Variants in CA10 observed in about 807,000 individuals in gnomAD.
The protein encoded by CA10 is carbonic anhydrase-related protein 10.
In CA10, 14 loss-of-function variants were observed where a neutral mutation model predicts 44.2. The ratio of observed to expected loss-of-function variants is 0.32; its 90% CI spans 0.21 to 0.50. CA10 has a LOEUF of 0.50. Among genes scored for constraint, CA10 ranks in the 20% least tolerant of loss-of-function variants. The probability of loss-of-function intolerance (pLI) is 0.99; values close to 1 mark genes in which losing one functional copy is unlikely to be tolerated. For missense variants in CA10, 350 were observed against 409.7 expected, an observed-to-expected ratio of 0.85 and a Z score of 1.26; for synonymous variants, 159 against 141.6, an observed-to-expected ratio of 1.12 and a Z score of -0.87.
At chr17:51,753,935 C>G (rs1904983254) in intron 3 of CA10, among the ~76,000 whole-genome samples, 1 of 152,078 alleles carries the variant, frequency 6.6e-6, no homozygotes, top group Admixed American at 6.6e-5. Flanking sequence ...CCTCCACCTC[C>G]CGGGTTCAAG....
At chr17:52,095,074 T>C (rs1173843858) in intron 1 of CA10, among the ~76,000 whole-genome samples, 1 of 152,138 alleles carries the variant, frequency 6.6e-6, no homozygotes, top group Non-Finnish European at 1.5e-5. Flanking sequence ...CCCATATGTC[T>C]ACTGACACCA....
chr17:51,893,281 G>A (rs1253007073), intron 3 of CA10, among the ~76,000 whole-genome samples: 3 of 152,082 alleles, frequency 2.0e-5, no homozygotes, highest in Non-Finnish European at 4.4e-5. Context: ...AAAAATCCAC[G>A]CTCTAAGTCC....
intron 4 of CA10, among the ~76,000 whole-genome samples, chr17:51,694,065 G>A (rs150944748): frequency 2.7e-4 from 41 of 152,212 alleles, no homozygotes; most frequent in African/African-American, 5.5e-4. Flanking sequence ...TTAGCTAGGC[G>A]TGGTGGTGCA....
intron 2 of CA10, among the ~76,000 whole-genome samples, chr17:52,040,404 C>A (rs1177896723): frequency 2.6e-5 from 4 of 151,952 alleles, no homozygotes; most frequent in Admixed American, 2.6e-4. Context: ...TCCTTGAAAG[C>A]CTTCTCTGCA....
chr17:51,797,850 C>CAAAAAAAA (rs58344941), intron 3 of CA10, among the ~76,000 whole-genome samples: 15 of 73,744 alleles, frequency 2.0e-4, no homozygotes, highest in East Asian at 4.6e-4. Flanking sequence ...GGCTCCATCT[C>CAAAAAAAA]AAAAAAAAAA....
At chr17:52,017,354 T>C (rs1453457731) in intron 2 of CA10, among the ~76,000 whole-genome samples, 1 of 152,124 alleles carries the variant, frequency 6.6e-6, no homozygotes, top group Non-Finnish European at 1.5e-5. Flanking sequence ...AAAATGCTGA[T>C]AGAAACATTG....
chr17:51,991,424 A>G (rs980240767), intron 2 of CA10, among the ~76,000 whole-genome samples: 3 of 152,146 alleles, frequency 2.0e-5, no homozygotes, highest in African/African-American at 7.2e-5. Context: ...TTACAACTAC[A>G]TCATCAACAT....
At chr17:51,895,956 A>G (rs1014115377) in intron 3 of CA10, among the ~76,000 whole-genome samples, 5 of 152,126 alleles carry the variant, frequency 3.3e-5, no homozygotes, top group Non-Finnish European at 1.5e-5. Context: ...ATATGAGACA[A>G]TATAATGAAT....
At chr17:51,976,907 A>G (rs2144079929) in intron 2 of CA10, among the ~76,000 whole-genome samples, 1 of 152,160 alleles carries the variant, frequency 6.6e-6, no homozygotes, top group Admixed American at 6.5e-5. Flanking sequence ...GACATTATAA[A>G]GATGATAAAG....
At chr17:51,712,581 A>G (rs1357898535) in intron 4 of CA10, among the ~76,000 whole-genome samples, 1 of 152,202 alleles carries the variant, frequency 6.6e-6, no homozygotes, top group Non-Finnish European at 1.5e-5. Context: ...CTGTGCTGTA[A>G]AGTCAATAGG....
intron 3 of CA10, among the ~76,000 whole-genome samples, chr17:51,823,521 C>T (rs1025161162): frequency 1.3e-5 from 2 of 152,304 alleles, no homozygotes; most frequent in East Asian, 1.9e-4. Flanking sequence ...TCTGTTCTCT[C>T]GGGAAGGAAC....
chr17:52,115,128 G>C (rs972180491), intron 1 of CA10, among the ~76,000 whole-genome samples: 4 of 152,216 alleles, frequency 2.6e-5, no homozygotes, highest in African/African-American at 9.6e-5. Context: ...CTTATGCAGG[G>C]GAGGAGCCTG....
chr17:51,713,882 TGAATCGGA>T (rs1347574080), intron 4 of CA10, among the ~76,000 whole-genome samples: 1 of 152,216 alleles, frequency 6.6e-6, no homozygotes, highest in African/African-American at 2.4e-5. Flanking sequence ...TCAGAAAGAA[TGAATCGGA>T]GATCCCTGGT....
chr17:52,158,834 C>G (rs1184329129), upstream of CA10: 3 of 152,698 alleles, frequency 2.0e-5, no homozygotes, highest in African/African-American at 7.2e-5. Context: ...GGTGAGCGTC[C>G]TCGCCGCCGC....
chr17:51,653,611 G>A, intron 5 of CA10, 30 bp downstream of exon 5: 1 of 1,143,910 alleles, frequency 8.7e-7, no homozygotes, highest in Admixed American at 1.7e-5. Context: ...TGGGGATGGT[G>A]AGAAGAATGA....
At chr17:51,835,180 C>T (rs1908429634) in intron 3 of CA10, among the ~76,000 whole-genome samples, 1 of 152,200 alleles carries the variant, frequency 6.6e-6, no homozygotes, top group Non-Finnish European at 1.5e-5. Context: ...TGTCAGCCCC[C>T]ATTTGCAGGT....
chr17:52,136,983 T>C (rs1032447964), intron 1 of CA10, among the ~76,000 whole-genome samples: 1 of 152,220 alleles, frequency 6.6e-6, no homozygotes, highest in African/African-American at 2.4e-5. Context: ...TGAGGAATTT[T>C]TTCCCTGTAA....
chr17:51,693,488 T>C (rs916385726), intron 4 of CA10, among the ~76,000 whole-genome samples: 14 of 152,136 alleles, frequency 9.2e-5, no homozygotes, highest in African/African-American at 3.4e-4. Context: ...TTTCACCCCC[T>C]ATCCACCCCC....
chr17:52,152,826 G>T (rs893251240), intron 1 of CA10, among the ~76,000 whole-genome samples: 6 of 152,060 alleles, frequency 3.9e-5, no homozygotes, highest in African/African-American at 1.4e-4. Flanking sequence ...CCTCAGCAAT[G>T]CTTTGAAATA....
Sources: gnomAD v4.1 joint callset for allele counts (sites outside exome capture counted in the v4.1 genomes callset) on GRCh38, gnomAD v4.1.1 for gene constraint, MANE v1.5 for transcripts, NCBI Gene and HGNC (gene_info 2026-07-23, HGNC 2026-07-21) for gene names.